Variants in DOCK2 observed in about 807,000 individuals in gnomAD.
DOCK2 encodes dedicator of cytokinesis protein 2.
DOCK2 carries 87 observed loss-of-function variants against 248.9 expected under a neutral mutation model. That is an observed-to-expected ratio of 0.35 (90% confidence interval 0.29 to 0.42). DOCK2 has a LOEUF of 0.42. Ranked by LOEUF, DOCK2 falls within the 10% of genes least tolerant of loss-of-function variation. The pLI is 1.00. For synonymous variants in DOCK2, 805 were observed against 821.6 expected, an observed-to-expected ratio of 0.98 and a Z score of 0.35; for missense variants, 1,747 against 2,300.2, an observed-to-expected ratio of 0.76 and a Z score of 4.92.
intron 27 of DOCK2, among the ~76,000 whole-genome samples, chr5:169,854,165 G>A (rs1770773107): frequency 6.6e-6 from 1 of 150,670 alleles, no homozygotes. Context: ...AGGAATTAAG[G>A]GGACAGTCAA....
intron 1 of DOCK2, among the ~76,000 whole-genome samples, chr5:169,641,843 C>T (rs1757169195): frequency 6.6e-6 from 1 of 152,238 alleles, no homozygotes; most frequent in Admixed American, 6.5e-5. Context: ...TTCAAGCATC[C>T]ACTGAATCTT....
At chr5:170,018,246 G>A (rs972621394) in intron 32 of DOCK2, among the ~76,000 whole-genome samples, 7 of 152,314 alleles carry the variant, frequency 4.6e-5, no homozygotes, top group East Asian at 1.9e-4. Context: ...GGGAGGCTGC[G>A]TGGTAATGGG....
intron 6 of DOCK2, among the ~76,000 whole-genome samples, chr5:169,675,595 C>A (rs557824250): frequency 6.6e-5 from 10 of 152,032 alleles, no homozygotes; most frequent in Admixed American, 4.6e-4. Flanking sequence ...CTGAAGGAGG[C>A]GACCCCTGAG....
At chr5:169,802,765 GATATTTC>G (rs1767077295) in intron 25 of DOCK2, among the ~76,000 whole-genome samples, 1 of 152,076 alleles carries the variant, frequency 6.6e-6, no homozygotes. Flanking sequence ...AATAACACTA[GATATTTC>G]ATATGGCACA....
chr5:169,951,360 C>A (rs1776656753), intron 27 of DOCK2, among the ~76,000 whole-genome samples: 1 of 152,178 alleles, frequency 6.6e-6, no homozygotes, highest in Non-Finnish European at 1.5e-5. Flanking sequence ...ATTCTTAATG[C>A]TTCCAAATAA....
chr5:169,804,335 T>A (rs964218300), intron 26 of DOCK2, among the ~76,000 whole-genome samples: 36 of 152,164 alleles, frequency 2.4e-4, no homozygotes, highest in African/African-American at 8.2e-4. Flanking sequence ...TATTAATACA[T>A]ATGACATACC....
At chr5:169,976,184 C>T (rs1042505210) in intron 27 of DOCK2, among the ~76,000 whole-genome samples, 1 of 152,158 alleles carries the variant, frequency 6.6e-6, no homozygotes, top group Non-Finnish European at 1.5e-5. Flanking sequence ...TACCTTCTGA[C>T]AAAGAACAAT....
At chr5:169,881,243 C>T in intron 27 of DOCK2, 1 of 752,718 alleles carries the variant, frequency 1.3e-6, no homozygotes, top group Non-Finnish European at 2.2e-6. Context: ...CAGATGTTAA[C>T]ATTTCATAGT....
At chr5:170,020,780 C>T (rs564005312) in intron 33 of DOCK2, among the ~76,000 whole-genome samples, 20 of 152,326 alleles carry the variant, frequency 1.3e-4, no homozygotes, top group African/African-American at 4.3e-4. Flanking sequence ...TCTGCTAGAG[C>T]AGTGCTTTCC....
chr5:169,930,375 C>T (rs1259656787), intron 27 of DOCK2, among the ~76,000 whole-genome samples: 1 of 152,212 alleles, frequency 6.6e-6, no homozygotes, highest in Non-Finnish European at 1.5e-5. Flanking sequence ...CTTATGCACT[C>T]ACGACTGGGG....
intron 28 of DOCK2, among the ~76,000 whole-genome samples, chr5:169,985,126 A>G (rs1778033248): frequency 6.6e-6 from 1 of 152,088 alleles, no homozygotes; most frequent in Admixed American, 6.6e-5. Flanking sequence ...GATGGTCTCA[A>G]TCTCTTGACC....
chr5:170,076,957 C>T (rs1344869232), intron 47 of DOCK2, among the ~76,000 whole-genome samples: 1 of 152,174 alleles, frequency 6.6e-6, no homozygotes, highest in East Asian at 1.9e-4. Context: ...TTCAGGGACC[C>T]AGGCCACCCA....
chr5:170,061,046 A>C (rs2113861973), intron 44 of DOCK2, among the ~76,000 whole-genome samples: 1 of 152,320 alleles, frequency 6.6e-6, no homozygotes, highest in Middle Eastern at 3.4e-3. Context: ...AATTAAAAAA[A>C]GAAAAATATG....
intron 2 of DOCK2, among the ~76,000 whole-genome samples, chr5:169,665,949 G>A (rs756450601): frequency 6.6e-6 from 1 of 152,112 alleles, no homozygotes; most frequent in Non-Finnish European, 1.5e-5. Context: ...TGAATAATTG[G>A]CACTTTATAA....
intron 46 of DOCK2, among the ~76,000 whole-genome samples, chr5:170,071,693 T>C (rs1757687172): frequency 6.6e-6 from 1 of 152,144 alleles, no homozygotes; most frequent in South Asian, 2.1e-4. Context: ...TTCTGCTAGC[T>C]CCCCTAATCC....
At chr5:170,009,111 T>A (rs370051743) in intron 32 of DOCK2, among the ~76,000 whole-genome samples, 2 of 152,086 alleles carry the variant, frequency 1.3e-5, no homozygotes, top group African/African-American at 4.8e-5. Flanking sequence ...CTGTATAGCG[T>A]GGTCCACAAA....
intron 27 of DOCK2, among the ~76,000 whole-genome samples, chr5:169,908,691 G>C (rs546807428): frequency 4.7e-5 from 7 of 149,912 alleles, no homozygotes; most frequent in Admixed American, 2.0e-4. Flanking sequence ...AGGTTTCAAT[G>C]CATTTTTCTC....
chr5:170,010,365 G>A (rs1554125735), intron 32 of DOCK2, among the ~76,000 whole-genome samples: 4 of 152,108 alleles, frequency 2.6e-5, no homozygotes, highest in East Asian at 1.9e-4. Flanking sequence ...AATAATTGAC[G>A]TTTCATTTAC....
At chr5:169,987,505 C>T (rs760920560) in intron 29 of DOCK2, among the ~76,000 whole-genome samples, 44 of 152,180 alleles carry the variant, frequency 2.9e-4, no homozygotes, top group Non-Finnish European at 4.9e-4. Flanking sequence ...GCACAGATGT[C>T]CAGCCTTGAT....
Sources: gnomAD v4.1 joint callset for allele counts (sites outside exome capture counted in the v4.1 genomes callset) on GRCh38, gnomAD v4.1.1 for gene constraint, MANE v1.5 for transcripts, NCBI Gene and HGNC (gene_info 2026-07-23, HGNC 2026-07-21) for gene names.